The following PRICKLE2 variants were observed in gnomAD, a reference collection of about 807,000 sequenced individuals.
PRICKLE2 encodes the protein prickle planar cell polarity protein 2.
A neutral mutation model predicts 81.4 loss-of-function variants in PRICKLE2; 21 were observed. That is an observed-to-expected ratio of 0.26 (90% CI 0.18 to 0.37). PRICKLE2 has a LOEUF of 0.37. Among genes scored for constraint, PRICKLE2 ranks in the 10% least tolerant of loss-of-function variants. The probability of loss-of-function intolerance (pLI) is 1.00; values close to 1 mark genes in which losing one functional copy is unlikely to be tolerated. For missense variants in PRICKLE2, 940 were observed against 1,109.0 expected (o/e 0.85, Z 2.16); for synonymous variants, 456 against 421.5 (o/e 1.08, Z -1.00).
chr3:64,195,920 T>C (rs1364574243), intron 2 of PRICKLE2, among the ~76,000 whole-genome samples: 5 of 152,202 alleles, frequency 3.3e-5, no homozygotes, highest in Non-Finnish European at 7.4e-5. Context: ...GTGTAGGAAA[T>C]AGGGAAAACC....
chr3:64,126,534 A>G (rs576100513), intron 7 of PRICKLE2, among the ~76,000 whole-genome samples: 1 of 152,320 alleles, frequency 6.6e-6, no homozygotes, highest in East Asian at 1.9e-4. Context: ...AAGGCTCTGG[A>G]GTCGGGCTGC....
At chr3:64,177,228 C>T (rs1166911810) in intron 2 of PRICKLE2, among the ~76,000 whole-genome samples, 25 of 147,484 alleles carry the variant, frequency 1.7e-4, no homozygotes, top group Non-Finnish European at 2.2e-4. Context: ...CTCCGTCTCC[C>T]GGGTTCAAGT....
At chr3:64,239,174 C>T (rs1286396518) in intron 2 of PRICKLE2, among the ~76,000 whole-genome samples, 2 of 152,136 alleles carry the variant, frequency 1.3e-5, no homozygotes, top group Non-Finnish European at 2.9e-5. Context: ...GGCGAGGTAG[C>T]AGCCTCTGAC....
chr3:64,184,117 G>C (rs1016753026), intron 2 of PRICKLE2, among the ~76,000 whole-genome samples: 4 of 152,194 alleles, frequency 2.6e-5, no homozygotes, highest in African/African-American at 9.7e-5. Context: ...TTCAGACTTA[G>C]ATCTCAGTCT....
chr3:64,213,753 A>G (rs112037108), intron 1 of PRICKLE2, among the ~76,000 whole-genome samples: 3,304 of 146,984 alleles, frequency 0.022, 102 homozygotes, highest in African/African-American at 0.079. Context: ...AACGCTTTCC[A>G]CGCTTTTCTT....
chr3:64,163,926 A>C (rs1355296670), intron 2 of PRICKLE2: 1 of 57,030 alleles, frequency 1.8e-5, no homozygotes, highest in Admixed American at 2.3e-4. Flanking sequence ...ATTATATAGG[A>C]GAGGCAAAAA....
At chr3:64,108,277 C>T (rs2076787164) in intron 7 of PRICKLE2, among the ~76,000 whole-genome samples, 1 of 152,220 alleles carries the variant, frequency 6.6e-6, no homozygotes, top group Non-Finnish European at 1.5e-5. Context: ...CAGTTGAAGC[C>T]TCTCAGACCG....
intron 7 of PRICKLE2, among the ~76,000 whole-genome samples, chr3:64,112,628 T>C (rs2076867861): frequency 6.6e-6 from 1 of 152,114 alleles, no homozygotes; most frequent in Non-Finnish European, 1.5e-5. Flanking sequence ...CAGACAAAGT[T>C]TTGGGCTCTC....
At chr3:64,212,491 T>C (rs1410607062) in intron 1 of PRICKLE2, among the ~76,000 whole-genome samples, 2 of 152,320 alleles carry the variant, frequency 1.3e-5, no homozygotes, top group South Asian at 2.1e-4. Context: ...AAAACACCTC[T>C]TCGTTTGCTT....
chr3:64,258,893 G>GAAAGAAAGAAATAAATAAATAAAT (rs796940955), intron 2 of PRICKLE2, among the ~76,000 whole-genome samples: 14 of 141,066 alleles, frequency 9.9e-5, no homozygotes, highest in African/African-American at 3.6e-4. Context: ...AAGAAAGAAA[G>GAAAGAAAGAAATAAATAAATAAAT]AAATCAGGAG....
intron 1 of PRICKLE2, among the ~76,000 whole-genome samples, chr3:64,212,608 A>T (rs2078807142): frequency 1.3e-5 from 2 of 152,162 alleles, no homozygotes; most frequent in South Asian, 4.1e-4. Flanking sequence ...AATATTCCCT[A>T]AGTACTTAAA....
chr3:64,218,738 A>C lies in PRICKLE2; in HGVS notation c.-41+6172T>G, dbSNP rs374366144. 7.9e-4 allele frequency among the ~76,000 whole-genome samples: 120 copies of C among 152,320 alleles called. 1 individual carries two copies. Among genetic ancestry groups the C allele is most frequent in the African/African-American group, 2.8e-3 (115 of 41,570 alleles). On this transcript the variant is annotated intron_variant, in intron 1 of 7. Transcript: ENST00000638394. The stretch of plus-strand genomic sequence containing the variant: ...TTGAGGTTTACTCAAATAAGTGACA[A>C]TTGGAACTAGACTCTGGACTTTCTG...
chr3:64,210,944 G>A (rs1430707854), intron 1 of PRICKLE2, among the ~76,000 whole-genome samples: 1 of 152,162 alleles, frequency 6.6e-6, no homozygotes, highest in Non-Finnish European at 1.5e-5. Flanking sequence ...ATGAAAGTGG[G>A]GAAGGGTAGG....
chr3:64,262,923 A>G (rs2079638766), intron 2 of PRICKLE2, among the ~76,000 whole-genome samples: 1 of 152,178 alleles, frequency 6.6e-6, no homozygotes. Flanking sequence ...ACCGTTTTGA[A>G]GTTTAACAGC....
intron 7 of PRICKLE2, among the ~76,000 whole-genome samples, chr3:64,145,101 T>A (rs1183916805): frequency 6.8e-6 from 1 of 148,122 alleles, no homozygotes. Flanking sequence ...TATTAAATTT[T>A]TTTTTTTTTT....
rs145549616 is a variant in PRICKLE2 at position 64,140,437 on chromosome 3, C to G, written c.1660+6393G>C. 3.3e-5 allele frequency among the ~76,000 whole-genome samples: 5 copies of G among 152,346 alleles called. No homozygotes were observed. In the East Asian group the frequency reaches 7.7e-4, roughly 24 times the overall value. On this transcript the variant is annotated intron_variant, in intron 7 of 7. Transcript: ENST00000638394. Reference sequence around the variant, plus strand: ...GAGGTCCTTCCTATGGGACCCAGCTCTCTATGAACAGCCACCCCTTACAGA... The same window carrying G: ...GAGGTCCTTCCTATGGGACCCAGCTGTCTATGAACAGCCACCCCTTACAGA...
At chr3:64,134,314 C>T (rs1301824587) in intron 7 of PRICKLE2, among the ~76,000 whole-genome samples, 2 of 152,212 alleles carry the variant, frequency 1.3e-5, no homozygotes, top group South Asian at 2.1e-4. Context: ...CAGCTGCAGA[C>T]GGGGCTTCCG....
intron 6 of PRICKLE2, among the ~76,000 whole-genome samples, chr3:64,150,850 C>T (rs1275217011): frequency 5.9e-5 from 9 of 152,192 alleles, no homozygotes; most frequent in Non-Finnish European, 2.9e-5. Context: ...TATCATAAAG[C>T]GGCCTGGCAG....
chr3:64,225,699 C>G (rs1409384610), upstream of PRICKLE2, among the ~76,000 whole-genome samples: 1 of 152,074 alleles, frequency 6.6e-6, no homozygotes, highest in Non-Finnish European at 1.5e-5. Flanking sequence ...AGAAGAGAGG[C>G]TTTAAAGACA....
Sources: gnomAD v4.1 joint callset for allele counts (sites outside exome capture counted in the v4.1 genomes callset) on GRCh38, gnomAD v4.1.1 for gene constraint, MANE v1.5 for transcripts, NCBI Gene and HGNC (gene_info 2026-07-23, HGNC 2026-07-21) for gene names.